The following UBQLN1 variants were observed in gnomAD, a reference collection of about 807,000 sequenced individuals.
UBQLN1 encodes ubiquilin 1.
Under a neutral mutation model 65.4 loss-of-function variants are expected in UBQLN1, and 13 were observed. The observed-to-expected ratio is 0.20, with a 90% confidence interval of 0.13 to 0.32. The LOEUF (loss-of-function observed/expected upper bound fraction) is 0.32, where lower values mean the gene tolerates loss of function less well. Among genes scored for constraint, UBQLN1 ranks in the 10% least tolerant of loss-of-function variants. The pLI is 1.00. For synonymous variants in UBQLN1, 267 were observed against 247.8 expected, an observed-to-expected ratio of 1.08 and a Z score of -0.73; for missense variants, 561 against 724.0, an observed-to-expected ratio of 0.77 and a Z score of 2.58.
At chr9:83,706,868 G>T (rs1004632754) in intron 1 of UBQLN1, among the ~76,000 whole-genome samples, 3 of 152,190 alleles carry the variant, frequency 2.0e-5, no homozygotes, top group African/African-American at 7.2e-5. Context: ...ATCAGTGAAA[G>T]AAAGTCATTC....
At chr9:83,664,400 T>TG (rs945497248) in intron 9 of UBQLN1, among the ~76,000 whole-genome samples, 15 of 152,138 alleles carry the variant, frequency 9.9e-5, no homozygotes, top group African/African-American at 3.4e-4. Flanking sequence ...GTCTGCTCGA[T>TG]GGAGTGAGAC....
Position 83,707,710 on chromosome 9 carries a change from G to A in UBQLN1, c.-31C>T. On this transcript the variant is annotated 5_prime_UTR_variant, in exon 1 of 11. Coordinates refer to ENST00000376395, the MANE Select transcript of UBQLN1 (RefSeq NM_013438.5). ...TGGCGGCGGCGGCGGCGGTGACTCA[G>A]GCAAGCAGGAGGGAGCAGGCGAGCA... 2 of 1,522,442 alleles carry A rather than the reference G, an allele frequency of 1.3e-6. No individual in the cohort carries two copies. Among genetic ancestry groups the A allele is most frequent in the Non-Finnish European group, 1.8e-6 (2 of 1,141,704 alleles). The allele number at this position is 1,522,442 out of a possible 1,614,324, so 94.3% of individuals were successfully genotyped here. A position where few individuals can be genotyped will look rare whatever the true frequency, so the allele number is the denominator to read the frequency against.
Position 83,707,951 on chromosome 9 carries a change from T to A in UBQLN1, c.-272A>T. ...GACATCCGCAGCAGCCACCGCTTCC[T>A]CCTCCCTGCCCCTTCCCCCACGTCC... On this transcript the variant is annotated 5_prime_UTR_variant, in exon 1 of 11. Coordinates refer to ENST00000376395, the MANE Select transcript of UBQLN1 (RefSeq NM_013438.5). 2.0e-6 allele frequency: 1 copy of A among 498,880 alleles called. No homozygotes were observed. The allele number at this position is 498,880 out of a possible 1,614,324, so 30.9% of individuals were successfully genotyped here.
intron 2 of UBQLN1, among the ~76,000 whole-genome samples, chr9:83,685,715 T>C (rs1006171979): frequency 6.6e-6 from 1 of 152,192 alleles, no homozygotes; most frequent in African/African-American, 2.4e-5. Flanking sequence ...GTCTAAAAAT[T>C]TCCTTACTAA....
Position 83,704,821 on chromosome 9 carries a change from T to A in UBQLN1, c.180+2679A>T, listed in dbSNP as rs7875986. The stretch of plus-strand genomic sequence containing the variant: ...AGCCTGGGGGGTGACAGAGACTCCA[T>A]CTCAAAAAAAAAAAAAAAAAAAAAA... On this transcript the variant is annotated intron_variant, in intron 1 of 10. Coordinates refer to ENST00000376395, the MANE Select transcript of UBQLN1 (RefSeq NM_013438.5). Among the ~76,000 whole-genome samples, 516 of 56,712 alleles carry A rather than the reference T, an allele frequency of 9.1e-3. 2 individuals carry two copies. The highest frequency in any genetic ancestry group is 0.029 in the African/African-American group (471 of 16,066). The allele number at this position is 56,712 out of a possible 152,430, so 37.2% of individuals were successfully genotyped here.
rs189464563 is a variant in UBQLN1 at position 83,691,237 on chromosome 9, A to G, written c.181-5082T>C. On this transcript the variant is annotated intron_variant, in intron 1 of 10. Coordinates refer to ENST00000376395, the MANE Select transcript of UBQLN1 (RefSeq NM_013438.5). Reference sequence around the variant, plus strand: ...TGCCTCATCTTGGGCAGGTCAACTGAAAGGAAATGGAATGAAGAGAACTTA... The same window carrying G: ...TGCCTCATCTTGGGCAGGTCAACTGGAAGGAAATGGAATGAAGAGAACTTA... Among the ~76,000 whole-genome samples the G allele has an allele frequency of 2.5e-3, 374 of 152,242 alleles. 1 individual carries two copies. Among genetic ancestry groups the G allele is most frequent in the African/African-American group, 8.7e-3 (362 of 41,558 alleles).
intron 7 of UBQLN1, chr9:83,668,963 T>G (rs1003179036): frequency 4.1e-6 from 2 of 487,380 alleles, no homozygotes; most frequent in Non-Finnish European, 6.7e-6. Flanking sequence ...CTGCACTTCT[T>G]TCTAGTCAAT....
intron 9 of UBQLN1, 138 bp from the exon 10 acceptor site, chr9:83,664,181 G>T: frequency 1.2e-6 from 1 of 805,188 alleles, no homozygotes; most frequent in Non-Finnish European, 1.9e-6. Context: ...GCTCATTCTG[G>T]GAGACCGATG....
chr9:83,706,260 GATTAT>G (rs1832404379), intron 1 of UBQLN1, among the ~76,000 whole-genome samples: 1 of 152,094 alleles, frequency 6.6e-6, no homozygotes, highest in Non-Finnish European at 1.5e-5. Context: ...CTTGATAATC[GATTAT>G]AATACCGTAA....
chr9:83,685,234 G>T (rs1010037206), intron 2 of UBQLN1, among the ~76,000 whole-genome samples: 2 of 152,100 alleles, frequency 1.3e-5, no homozygotes, highest in African/African-American at 4.8e-5. Flanking sequence ...TAATGGCTTG[G>T]AACAAAATCC....
chr9:83,678,670 T>C (rs1245802709), intron 4 of UBQLN1, 71 bp from the exon 5 acceptor site: 3 of 1,461,058 alleles, frequency 2.1e-6, no homozygotes, highest in East Asian at 2.3e-5. Flanking sequence ...TTAATTACTT[T>C]ATTAACTGCC....
rs986817198 is a variant in UBQLN1, at chr9:83,677,732, A to C, written c.1100T>G (p.Val367Gly). 1 of 1,611,306 alleles carries C rather than the reference A, an allele frequency of 6.2e-7. No homozygotes were observed. Among genetic ancestry groups the C allele is most frequent in the African/African-American group, 1.3e-5 (1 of 74,834 alleles). The change falls in exon 6 of 11, where the codon GTA (valine) becomes GGA (glycine). Residue 367 changes from valine to glycine, a missense_variant. By Grantham distance (109) the Val-to-Gly change is moderately radical. Coordinates refer to ENST00000376395, the MANE Select transcript of UBQLN1 (RefSeq NM_013438.5). ...CTGAGTTGTTAAAAGCATACCTCCTACTCCAGGCACCAAATTTGGCGCAGT... is the reference window on the plus strand; with the variant it reads ...CTGAGTTGTTAAAAGCATACCTCCTCCTCCAGGCACCAAATTTGGCGCAGT... Reference protein sequence around the residue: ...STTAPNLVPGVGASMFNTPGM... With the variant: ...STTAPNLVPGGGASMFNTPGM...
chr9:83,682,943 AC>A lies in UBQLN1; in HGVS notation c.448+7del. ...CCCATCCCTACTGGAATGACTAAAG[AC>A]ACTTACCTAAACCAAAAGGGTTGCT... On this transcript the variant is annotated splice_region_variant and intron_variant, in intron 3 of 10. Coordinates refer to ENST00000376395, the MANE Select transcript of UBQLN1 (RefSeq NM_013438.5). 1 of 1,565,742 alleles carries A rather than the reference AC, an allele frequency of 6.4e-7. No homozygotes were observed. Among genetic ancestry groups the A allele is most frequent in the Non-Finnish European group, 8.8e-7 (1 of 1,140,078 alleles).
At chr9:83,686,670 A>C (rs1236651738) in intron 1 of UBQLN1, among the ~76,000 whole-genome samples, 1 of 152,210 alleles carries the variant, frequency 6.6e-6, no homozygotes, top group Non-Finnish European at 1.5e-5. Context: ...TCAGACTTCT[A>C]TCTTCAGTCC....
In UBQLN1 at chr9:83,664,862, T is replaced by A. The variant is rs1831617469; in HGVS notation, c.1448+168A>T. Among the ~76,000 whole-genome samples, 2 of 135,898 alleles carry A rather than the reference T, an allele frequency of 1.5e-5. 1 individual carries two copies. Among genetic ancestry groups the A allele is most frequent in the Middle Eastern group, 8.8e-3 (2 of 228 alleles). The allele number at this position is 135,898 out of a possible 152,430, so 89.2% of individuals were successfully genotyped here. A position where few individuals can be genotyped will look rare whatever the true frequency, so the allele number is the denominator to read the frequency against. On this transcript the variant is annotated intron_variant, in intron 9 of 10. Coordinates refer to ENST00000376395, the MANE Select transcript of UBQLN1 (RefSeq NM_013438.5). ...TGAGCCCGAGAGGTCGAGGCTGCAGTGAGCCACAACTGCGCCCCCACACTC... is the reference window on the plus strand; with the variant it reads ...TGAGCCCGAGAGGTCGAGGCTGCAGAGAGCCACAACTGCGCCCCCACACTC...
chr9:83,683,099 T>C (rs377610770), intron 2 of UBQLN1, 33 bp from the exon 3 acceptor site: 8 of 1,470,008 alleles, frequency 5.4e-6, no homozygotes, highest in South Asian at 1.2e-5. Context: ...GAGTAAGCAG[T>C]AGAGCTGATT....
intron 6 of UBQLN1, among the ~76,000 whole-genome samples, chr9:83,670,928 G>A (rs1831718887): frequency 6.6e-6 from 1 of 152,156 alleles, no homozygotes; most frequent in South Asian, 2.1e-4. Context: ...TCATGGCATT[G>A]TAGCAACGCA....
intron 1 of UBQLN1, among the ~76,000 whole-genome samples, chr9:83,696,105 A>G (rs1383826473): frequency 6.6e-6 from 1 of 152,206 alleles, no homozygotes; most frequent in Non-Finnish European, 1.5e-5. Flanking sequence ...ACGCCCAGCT[A>G]ATTTTTGTAT....
rs1831546362 is a variant in UBQLN1 at position 83,660,518 on chromosome 9, A to T, written c.*1269T>A. On this transcript the variant is annotated 3_prime_UTR_variant, in exon 11 of 11. Coordinates refer to ENST00000376395, the MANE Select transcript of UBQLN1 (RefSeq NM_013438.5). Reference sequence around the variant, plus strand: ...GAAGAAAAAGGCTATAAAACAGCCAAATGTACTCAACATCATTAAAACGGC... The same window carrying T: ...GAAGAAAAAGGCTATAAAACAGCCATATGTACTCAACATCATTAAAACGGC... 6.6e-6 allele frequency: 1 copy of T among 152,578 alleles called. No homozygotes were observed. Among genetic ancestry groups the T allele is most frequent in the East Asian group, 1.9e-4 (1 of 5,198 alleles). The allele number at this position is 152,578 out of a possible 1,614,324, so 9.5% of individuals were successfully genotyped here. A position where few individuals can be genotyped will look rare whatever the true frequency, so the allele number is the denominator to read the frequency against.
Sources: gnomAD v4.1 joint callset for allele counts (sites outside exome capture counted in the v4.1 genomes callset) on GRCh38, gnomAD v4.1.1 for gene constraint, MANE v1.5 for transcripts, NCBI Gene and HGNC (gene_info 2026-07-23, HGNC 2026-07-21) for gene names.